The following SYT7 variants were observed in gnomAD, a reference collection of about 807,000 sequenced individuals.
The protein encoded by SYT7 is synaptotagmin-7.
SYT7 carries 29 observed loss-of-function variants against 75.1 expected under a neutral mutation model. That is an observed-to-expected ratio of 0.39 (90% confidence interval 0.29 to 0.53). The LOEUF is 0.53. Ranked by LOEUF, SYT7 falls within the 20% of genes least tolerant of loss-of-function variation. The pLI is 0.77. For missense variants in SYT7, 693 were observed against 953.2 expected (o/e 0.73, Z 3.59); for synonymous variants, 376 against 401.7 (o/e 0.94, Z 0.76).
chr11:61,528,502 T>C (rs537404458), intron 8 of SYT7, among the ~76,000 whole-genome samples: 1 of 152,270 alleles, frequency 6.6e-6, no homozygotes, highest in African/African-American at 2.4e-5. Context: ...CTCGCCTTCC[T>C]GGCTGCAGCT....
In SYT7 at chr11:61,517,361, C is replaced by T; in HGVS notation, c.*1266G>A. The T allele has an allele frequency of 7.5e-6, 3 of 398,704 alleles. No individual in the cohort carries two copies. The Admixed American group carries it at 1.3e-4, about 18-fold the overall frequency. 24.7% of individuals were successfully genotyped at this position (398,704 alleles called of 1,614,324 possible). On this transcript the variant is annotated 3_prime_UTR_variant, in exon 13 of 13. Transcript: ENST00000539008. ...AGAATCCTGGTCTTTTCCCTGCCTCCTTTCCCTGCACTGTGAGTGAGTCGG... is the reference window on the plus strand; with the variant it reads ...AGAATCCTGGTCTTTTCCCTGCCTCTTTTCCCTGCACTGTGAGTGAGTCGG...
Position 61,542,115 on chromosome 11 carries a change from G to A in SYT7, c.941+96C>T, listed in dbSNP as rs911352049. 3.1e-5 allele frequency: 45 copies of A among 1,434,476 alleles called. No homozygotes were observed. In the Admixed American group the frequency reaches 5.6e-4, roughly 18 times the overall value. 88.9% of individuals were successfully genotyped at this position (1,434,476 alleles called of 1,614,324 possible). A position where few individuals can be genotyped will look rare whatever the true frequency, so the allele number is the denominator to read the frequency against. On this transcript the variant is annotated intron_variant, in intron 6 of 12. Transcript: ENST00000539008. The surrounding 1 kb of genome is among the most constrained non-coding windows in gnomAD (Gnocchi z 7.8). ...CACCCTGCCAAGGGGATGGAGGGCC[G>A]GGAGGTACACACAACCAGCTGCTCC...
chr11:61,584,267 C>T (rs1338398934), upstream of SYT7, among the ~76,000 whole-genome samples: 11 of 151,366 alleles, frequency 7.3e-5, no homozygotes, highest in Non-Finnish European at 1.6e-4. Context: ...TGGTGGCATG[C>T]GCCTGTAATC....
rs376945949 is a variant in SYT7 at position 61,532,959 on chromosome 11, T to C, written c.1200+30A>G. On this transcript the variant is annotated intron_variant, in intron 8 of 12. Transcript: ENST00000539008. Reference sequence around the variant, plus strand: ...GCCCCTGGCCTCCCAGCCCAGTTCCTTGGAGCAGCGCAGGCTCCCTCATTC... The same window carrying C: ...GCCCCTGGCCTCCCAGCCCAGTTCCCTGGAGCAGCGCAGGCTCCCTCATTC... 14 of 1,610,382 alleles carry C rather than the reference T, an allele frequency of 8.7e-6. No individual in the cohort carries two copies. The East Asian group carries it at 2.5e-4, about 28-fold the overall frequency.
In SYT7 at chr11:61,546,238, C is replaced by T. The variant is rs1197256527; in HGVS notation, c.365G>A (p.Gly122Asp). 4.1e-6 allele frequency: 6 copies of T among 1,452,538 alleles called. No individual in the cohort carries two copies. The African/African-American group carries it at 7.4e-5, about 18-fold the overall frequency. 90.0% of individuals were successfully genotyped at this position (1,452,538 alleles called of 1,614,324 possible). Residue 122 changes from glycine to aspartate, a missense_variant, in exon 5 of 13, where the codon GGC becomes GAC. Gly to Asp is a moderately conservative substitution (Grantham distance 94). Transcript: ENST00000539008. This position sits in a 1 kb window ranked among gnomAD's most constrained non-coding sequence, Gnocchi z 7.6. Reference sequence around the variant, plus strand: ...CCCCGCCGCGGCGGCCACTTTGGCGCCCGACAGGAGGGTGCCACTGGAGGC... The same window carrying T: ...CCCCGCCGCGGCGGCCACTTTGGCGTCCGACAGGAGGGTGCCACTGGAGGC... The part of the protein sequence containing the change: ...RLSLNGTLLS[G>D]AKVAAAAGLA...
rs1227945548 is a variant in SYT7 at position 61,524,472 on chromosome 11, C to T, written c.1532G>A (p.Arg511His). 1.9e-6 allele frequency: 3 copies of T among 1,612,780 alleles called. No individual in the cohort carries two copies. Among genetic ancestry groups the T allele is most frequent in the Non-Finnish European group, 2.5e-6 (3 of 1,179,414 alleles). Residue 511 changes from arginine to histidine, a missense_variant, in exon 10 of 13, where the codon CGC becomes CAC. This residue lies in a region of SYT7 where 206 missense variants were observed against 360.0 expected (regional missense o/e 0.57). Coordinates refer to ENST00000539008, the MANE Select transcript of SYT7 (RefSeq NM_001365809.2). The surrounding 1 kb of genome is among the most constrained non-coding windows in gnomAD (Gnocchi z 4.1). ...CCCAATGGGGTCGTTGCGGCTGAAG[C>T]GGTCATAGTCCAGGACTTGGAGGTA... The part of the protein sequence containing the change: ...ILYLQVLDYD[R>H]FSRNDPIGEV...
intron 1 of SYT7, among the ~76,000 whole-genome samples, chr11:61,557,343 A>C (rs2063524838): frequency 1.3e-5 from 2 of 152,162 alleles, no homozygotes; most frequent in Admixed American, 1.3e-4. Context: ...ATGGTAATTA[A>C]GAGTTGACAG....
rs2063411771 is a variant in SYT7, at chr11:61,553,551, C to G, written c.136-2088G>C. ...CTTCTCCTTCCCCAACTCCGAGAAC[C>G]TTCCCCTCTGGCTTCGACTATTGCT... On this transcript the variant is annotated intron_variant, in intron 2 of 12. Transcript: ENST00000539008. This position sits in a 1 kb window ranked among gnomAD's most constrained non-coding sequence, Gnocchi z 5.2. 1.3e-5 allele frequency among the ~76,000 whole-genome samples: 2 copies of G among 152,216 alleles called. No individual in the cohort carries two copies. Among genetic ancestry groups the G allele is most frequent in the African/African-American group, 2.4e-5 (1 of 41,460 alleles).
intron 1 of SYT7, 119 bp from the exon 2 acceptor site, chr11:61,556,326 G>A (rs2063500444): frequency 2.6e-6 from 2 of 760,896 alleles, no homozygotes; most frequent in Non-Finnish European, 4.2e-6. Flanking sequence ...TGGGAGCTCT[G>A]AACCCAGGTT....
At chr11:61,571,779 G>A (rs948166292) in intron 1 of SYT7, among the ~76,000 whole-genome samples, 6 of 152,164 alleles carry the variant, frequency 3.9e-5, no homozygotes, top group African/African-American at 1.2e-4. Context: ...GCTCCTATCT[G>A]AGACTAAGCC....
At chr11:61,574,624 T>A (rs1208361840) in intron 1 of SYT7, among the ~76,000 whole-genome samples, 14 of 151,282 alleles carry the variant, frequency 9.3e-5, no homozygotes, top group African/African-American at 2.4e-4. Flanking sequence ...CCCCCATCCT[T>A]GGATGGGGGT....
Position 61,524,546 on chromosome 11 carries a change from T to G in SYT7, c.1472-14A>C. 4 of 1,561,004 alleles carry G rather than the reference T, an allele frequency of 2.6e-6. No individual in the cohort carries two copies. The highest frequency in any genetic ancestry group is 3.5e-6 in the Non-Finnish European group (4 of 1,151,634). On this transcript the variant is annotated splice_polypyrimidine_tract_variant and intron_variant, in intron 9 of 12. Coordinates refer to ENST00000539008, the MANE Select transcript of SYT7 (RefSeq NM_001365809.2). The surrounding 1 kb of genome is among the most constrained non-coding windows in gnomAD (Gnocchi z 4.1). ...CATAGGGAAAACCTGGGGGTATAGA[T>G]GAGTGTGAGTGAAGAGGGGGACAGA...
chr11:61,529,717 C>T (rs563939125), intron 8 of SYT7, among the ~76,000 whole-genome samples: 22 of 152,342 alleles, frequency 1.4e-4, no homozygotes, highest in African/African-American at 4.6e-4. Flanking sequence ...TCACTGCCAC[C>T]TCCACCTCCC....
Position 61,546,222 on chromosome 11 carries a change from G to A in SYT7, c.381C>T (p.Ala127=), listed in dbSNP as rs990546761. 62 of 1,466,974 alleles carry A rather than the reference G, an allele frequency of 4.2e-5. No individual in the cohort carries two copies. In the East Asian group the frequency reaches 5.9e-4, roughly 14 times the overall value. 90.9% of individuals were successfully genotyped at this position (1,466,974 alleles called of 1,614,324 possible). ...CCCGCTCCACCGCCAGCCCCGCCGC[G>A]GCGGCCACTTTGGCGCCCGACAGGA... ...GTLLSGAKVA[A]AAGLAVEREG... is the part of the protein sequence containing the mutation. Residue 127 remains alanine (A), a synonymous_variant, in exon 5 of 13, where the codon GCC becomes GCT. Transcript: ENST00000539008. The surrounding 1 kb of genome is among the most constrained non-coding windows in gnomAD (Gnocchi z 7.6).
In SYT7 at chr11:61,542,399, C is replaced by G. The variant is rs1158215069; in HGVS notation, c.753G>C (p.Gln251His). The change falls in exon 6 of 13, where the codon CAG (glutamine) becomes CAC (histidine). Residue 251 changes from glutamine (Q) to histidine (H), a missense_variant. Gln to His is a conservative substitution (Grantham distance 24). Transcript: ENST00000539008. This position sits in a 1 kb window ranked among gnomAD's most constrained non-coding sequence, Gnocchi z 7.8. ...SQPTTSQSLG[Q>H]LQAHMASAPG... ...GTGCCGAGGCCATGTGGGCCTGCAG[C>G]TGGCCCAGGCTCTGGCTGGTGGTGG... is the stretch of plus-strand genomic sequence containing the variant. 9.8e-6 allele frequency: 15 copies of G among 1,531,680 alleles called. No homozygotes were observed. The highest frequency in any genetic ancestry group is 1.3e-5 in the Non-Finnish European group (15 of 1,145,324). 94.9% of individuals were successfully genotyped at this position (1,531,680 alleles called of 1,614,324 possible). A position where few individuals can be genotyped will look rare whatever the true frequency, so the allele number is the denominator to read the frequency against.
chr11:61,524,505 C>T lies in SYT7; in HGVS notation c.1499G>A (p.Arg500Lys). The change falls in exon 10 of 13, where the codon AGG becomes AAG. Residue 500 changes from arginine to lysine, a missense_variant. Arg to Lys is a conservative substitution (Grantham distance 26). Coordinates refer to ENST00000539008, the MANE Select transcript of SYT7 (RefSeq NM_001365809.2). This position sits in a 1 kb window ranked among gnomAD's most constrained non-coding sequence, Gnocchi z 4.1. Reference sequence around the variant, plus strand: ...GTCCAGGACTTGGAGGTAGAGGATCCTCTGCACCACCTTCTCATAGGGAAA... The same window carrying T: ...GTCCAGGACTTGGAGGTAGAGGATCTTCTGCACCACCTTCTCATAGGGAAA... ...EGFPYEKVVQ[R>K]ILYLQVLDYD... The T allele has an allele frequency of 6.2e-7, 1 of 1,603,622 alleles. No individual in the cohort carries two copies. The highest frequency in any genetic ancestry group is 1.3e-5 in the African/African-American group (1 of 74,794).
chr11:61,584,714 C>G (rs780555224), upstream of SYT7, among the ~76,000 whole-genome samples: 3 of 152,228 alleles, frequency 2.0e-5, no homozygotes, highest in Non-Finnish European at 4.4e-5. Flanking sequence ...TTTCTGAGTA[C>G]TCACGGAGAA....
chr11:61,579,609 G>C (rs2064186936), intron 1 of SYT7, among the ~76,000 whole-genome samples: 1 of 152,224 alleles, frequency 6.6e-6, no homozygotes. Flanking sequence ...GCAAATGTGG[G>C]GCTAGGGCAA....
At position 61,539,133 on chromosome 11, in the gene SYT7, C is replaced by T. The variant is rs549142385; in HGVS notation, c.942-867G>A. 2.6e-5 allele frequency among the ~76,000 whole-genome samples: 4 copies of T among 152,318 alleles called. No homozygotes were observed. The South Asian group carries it at 8.3e-4, about 32-fold the overall frequency. ...CCAAGGCGGCGAGAAAGTGCAGGAACTTGGCAAGGTCTGGAGAAGTTTTGG... is the reference window on the plus strand; with the variant it reads ...CCAAGGCGGCGAGAAAGTGCAGGAATTTGGCAAGGTCTGGAGAAGTTTTGG... On this transcript the variant is annotated intron_variant, in intron 6 of 12. Coordinates refer to ENST00000539008, the MANE Select transcript of SYT7 (RefSeq NM_001365809.2).
Sources: allele counts gnomAD v4.1 joint callset (sites outside exome capture counted in the v4.1 genomes callset), GRCh38; gene constraint gnomAD v4.1.1; regional missense constraint gnomAD v4.1.1; non-coding constraint Gnocchi (gnomAD v3.1); transcripts MANE v1.5; gene names NCBI Gene and HGNC (gene_info 2026-07-23, HGNC 2026-07-21).